The following SLC36A1 variants were observed in gnomAD, a reference collection of about 807,000 sequenced individuals.
SLC36A1 encodes the protein solute carrier family 36 member 1.
A neutral mutation model predicts 47.5 loss-of-function variants in SLC36A1; 30 were observed. The observed-to-expected ratio is 0.63, with a 90% CI of 0.47 to 0.86. The LOEUF (loss-of-function observed/expected upper bound fraction) is 0.86. Among genes scored for constraint, SLC36A1 ranks in the 40% least tolerant of loss-of-function variants. SLC36A1 has a pLI of 0.00. For synonymous variants in SLC36A1, 255 were observed against 249.7 expected, an observed-to-expected ratio of 1.02 and a Z score of -0.20; for missense variants, 517 against 606.0, an observed-to-expected ratio of 0.85 and a Z score of 1.54.
chr5:151,507,393 A>G, the SLC36A1 span: 2 of 1,614,190 alleles, frequency 1.2e-6, no homozygotes, highest in African/African-American at 2.7e-5. Context: ...TTGGGTGTCA[A>G]CACCAACACT....
intron 1 of SLC36A1, among the ~76,000 whole-genome samples, chr5:151,440,921 C>T (rs1752586010): frequency 6.6e-6 from 1 of 152,188 alleles, no homozygotes; most frequent in Non-Finnish European, 1.5e-5. Context: ...TAAAGCAAGT[C>T]CCTTCAGAAG....
chr5:151,452,857 G>A (rs1753856168), intron 1 of SLC36A1, among the ~76,000 whole-genome samples: 1 of 126,306 alleles, frequency 7.9e-6, no homozygotes, highest in Non-Finnish European at 1.7e-5. Context: ...GCAACAGAGG[G>A]AGACACCATC....
the SLC36A1 span, among the ~76,000 whole-genome samples, chr5:151,555,639 G>A: frequency 3.9e-5 from 6 of 151,988 alleles, no homozygotes; most frequent in Non-Finnish European, 7.4e-5. Flanking sequence ...CAAAGTGCTG[G>A]GATTACAGGC....
At chr5:151,547,320 A>G in the SLC36A1 span, among the ~76,000 whole-genome samples, 1 of 152,348 alleles carries the variant, frequency 6.6e-6, no homozygotes, top group African/African-American at 2.4e-5. Flanking sequence ...CTAGAACCCA[A>G]CAGAGGCTTT....
chr5:151,550,827 CTG>C, the SLC36A1 span: 2 of 1,613,742 alleles, frequency 1.2e-6, no homozygotes, highest in South Asian at 2.2e-5. Context: ...TTTCCAGAAA[CTG>C]GGGCCGATGG....
At chr5:151,505,278 C>G in the SLC36A1 span, 79,134 of 478,618 alleles carry the variant, frequency 0.17, 7,498 homozygotes, top group Non-Finnish European at 0.21. Flanking sequence ...CCTCCTGTCT[C>G]TCGCCCACCC....
chr5:151,464,640 G>A lies in SLC36A1; in HGVS notation c.323+38G>A, dbSNP rs1490354862. On this transcript the variant is annotated intron_variant, in intron 4 of 10. Transcript: ENST00000243389. ...TGAGCCACCTCTCAAGTGACAGATT[G>A]TCCTTTTGGGTTCTGTTATCAACCC... is the stretch of plus-strand genomic sequence containing the variant. 4 of 1,567,870 alleles carry A rather than the reference G, an allele frequency of 2.6e-6. 1 individual carries two copies. The South Asian group carries it at 3.3e-5, about 13-fold the overall frequency.
At chr5:151,382,196 G>T in the SLC36A1 span, 1 of 1,159,608 alleles carries the variant, frequency 8.6e-7, no homozygotes, top group African/African-American at 1.5e-5. Flanking sequence ...AGCAGCGTCT[G>T]ATGTCCTGGG....
At chr5:151,405,294 T>C in the SLC36A1 span, among the ~76,000 whole-genome samples, 1 of 152,040 alleles carries the variant, frequency 6.6e-6, no homozygotes, top group Non-Finnish European at 1.5e-5. Context: ...CTTTACTGAC[T>C]TCCTTGGGTT....
chr5:151,452,256 C>G (rs1411958106), intron 1 of SLC36A1: 1 of 152,190 alleles, frequency 6.6e-6, no homozygotes, highest in East Asian at 1.9e-4. Flanking sequence ...GTTTTAAAAA[C>G]AAATTATGTA....
At chr5:151,378,913 G>A in the SLC36A1 span, among the ~76,000 whole-genome samples, 12 of 152,246 alleles carry the variant, frequency 7.9e-5, no homozygotes, top group African/African-American at 1.9e-4. Context: ...AGGCTGGACC[G>A]TGGAGCCAAT....
At chr5:151,511,718 C>A in the SLC36A1 span, 15 of 173,784 alleles carry the variant, frequency 8.6e-5, no homozygotes, top group East Asian at 1.4e-4. Flanking sequence ...ACAACATATA[C>A]CACTTATATA....
the SLC36A1 span, among the ~76,000 whole-genome samples, chr5:151,398,597 G>T: frequency 5.3e-5 from 8 of 152,198 alleles, no homozygotes; most frequent in Non-Finnish European, 1.2e-4. Context: ...CTTTATTCCA[G>T]CCCCAGCTGT....
chr5:151,394,575 G>A, the SLC36A1 span, among the ~76,000 whole-genome samples: 1 of 152,178 alleles, frequency 6.6e-6, no homozygotes, highest in Non-Finnish European at 1.5e-5. Flanking sequence ...TACAGATGGG[G>A]TTTTGGTGTG....
chr5:151,522,242 A>C, the SLC36A1 span: 4 of 578,540 alleles, frequency 6.9e-6, no homozygotes, highest in Admixed American at 3.1e-5. Flanking sequence ...AAAAAACCTA[A>C]CTCCAAAAGC....
chr5:151,503,536 G>A, the SLC36A1 span, among the ~76,000 whole-genome samples: 1 of 150,670 alleles, frequency 6.6e-6, no homozygotes, highest in Non-Finnish European at 1.5e-5. Flanking sequence ...TGCCCAGCTG[G>A]ATTGGGAACT....
the SLC36A1 span, among the ~76,000 whole-genome samples, chr5:151,377,341 C>G: frequency 2.2e-5 from 3 of 138,060 alleles, no homozygotes; most frequent in Admixed American, 2.1e-4. Flanking sequence ...GTATTGCTGT[C>G]TCTTTCTTTT....
At chr5:151,435,261 C>G (rs937711471), upstream of SLC36A1, among the ~76,000 whole-genome samples, 1 of 152,194 alleles carries the variant, frequency 6.6e-6, no homozygotes, top group Admixed American at 6.5e-5. Context: ...CAGCTGTTTT[C>G]TTAACAGCAG....
At chr5:151,422,819 G>C in the SLC36A1 span, among the ~76,000 whole-genome samples, 1 of 152,164 alleles carries the variant, frequency 6.6e-6, no homozygotes, top group African/African-American at 2.4e-5. Flanking sequence ...GCACGTGTCT[G>C]TAATCCCAGC....
Sources: allele counts gnomAD v4.1 joint callset (sites outside exome capture counted in the v4.1 genomes callset), GRCh38; gene constraint gnomAD v4.1.1; transcripts MANE v1.5; gene names NCBI Gene and HGNC (gene_info 2026-07-23, HGNC 2026-07-21).